The following PHACTR1 variants were observed in gnomAD, a reference collection of about 807,000 sequenced individuals.
PHACTR1 encodes phosphatase and actin regulator 1, also known as RPEL repeat containing 1.
In PHACTR1, 16 loss-of-function variants were observed where a neutral mutation model predicts 69.2. That is an observed-to-expected ratio of 0.23 (90% CI 0.16 to 0.35). The LOEUF is 0.35. PHACTR1 is among the 10% of genes least tolerant of loss of function. The pLI, the probability that PHACTR1 is intolerant of heterozygous loss-of-function variation, is 1.00. For missense variants in PHACTR1, 510 were observed against 734.7 expected (o/e 0.69, Z 3.54); for synonymous variants, 312 against 284.5 (o/e 1.10, Z -0.97).
chr6:12,756,569 C>T (rs1229578968), intron 4 of PHACTR1, among the ~76,000 whole-genome samples: 1 of 152,192 alleles, frequency 6.6e-6, no homozygotes, highest in Non-Finnish European at 1.5e-5. Flanking sequence ...AATAATATCA[C>T]ACTAGTAGTT....
chr6:12,986,750 C>T (rs772554194), intron 4 of PHACTR1, among the ~76,000 whole-genome samples: 3 of 152,070 alleles, frequency 2.0e-5, no homozygotes, highest in Non-Finnish European at 2.9e-5. Context: ...CTTGTGAGGA[C>T]GGGTGTATGG....
chr6:13,227,859 G>C lies in PHACTR1; in HGVS notation c.1030G>C (p.Gly344Arg). 1 of 1,613,950 alleles carries C rather than the reference G, an allele frequency of 6.2e-7. No individual in the cohort carries two copies. Among genetic ancestry groups the C allele is most frequent in the Non-Finnish European group, 8.5e-7 (1 of 1,179,890 alleles). Residue 344 changes from glycine to arginine, a missense_variant, in exon 9 of 15, where the codon GGG (glycine) becomes CGG (arginine). Gly to Arg is a moderately radical substitution (Grantham distance 125). Transcript: ENST00000332995. Reference protein sequence around the residue: ...VPCSTSYHSSGLHSGDGVTKA... With the variant: ...VPCSTSYHSSRLHSGDGVTKA... ...CTGTTCCACTTCTTACCACAGCTCT[G>C]GGTTGCACTCGGGTGATGGGGTCAC...
At chr6:12,758,486 A>AT (rs1456369025) in intron 4 of PHACTR1, among the ~76,000 whole-genome samples, 1 of 145,864 alleles carries the variant, frequency 6.9e-6, no homozygotes, top group African/African-American at 2.5e-5. Context: ...AAAAAAAAAA[A>AT]GGGCCCAGAG....
intron 4 of PHACTR1, among the ~76,000 whole-genome samples, chr6:12,763,716 G>A (rs896341457): frequency 2.0e-5 from 3 of 152,096 alleles, no homozygotes; most frequent in African/African-American, 7.2e-5. Context: ...AGTAAAAGCT[G>A]TAAACAGCCC....
At chr6:12,718,176 C>A (rs1302712746) in intron 2 of PHACTR1, 1 of 152,098 alleles carries the variant, frequency 6.6e-6, no homozygotes, top group African/African-American at 2.4e-5. Flanking sequence ...TGAAGGGAAT[C>A]GCCGGAAAGG....
Position 12,968,074 on chromosome 6 carries a change from C to T in PHACTR1, c.251-85291C>T, listed in dbSNP as rs111673451. Among the ~76,000 whole-genome samples the T allele has an allele frequency of 3.1e-3, 476 of 152,252 alleles. 3 individuals carry two copies. Among genetic ancestry groups the T allele is most frequent in the African/African-American group, 0.011 (448 of 41,542 alleles). ...GTCTGTGTTATGTGCCCTCTCCACT[C>T]ACCAGAATTATAGAACTCTTTCAGG... On this transcript the variant is annotated intron_variant, in intron 4 of 14. Transcript: ENST00000332995.
intron 5 of PHACTR1, among the ~76,000 whole-genome samples, chr6:13,124,942 T>A (rs1408422112): frequency 6.6e-6 from 1 of 152,254 alleles, no homozygotes; most frequent in Non-Finnish European, 1.5e-5. Context: ...GTCCTTAATA[T>A]GACCCAAATC....
At chr6:13,215,583 A>T (rs1318067446) in intron 8 of PHACTR1, among the ~76,000 whole-genome samples, 1 of 152,220 alleles carries the variant, frequency 6.6e-6, no homozygotes, top group Non-Finnish European at 1.5e-5. Flanking sequence ...TAACATTGTA[A>T]TCAGATATAA....
Position 13,072,483 on chromosome 6 carries a change from G to GCTTCTTA in PHACTR1, c.415+18957_415+18958insCTTACTT, listed in dbSNP as rs201485326. 4.4e-3 allele frequency among the ~76,000 whole-genome samples: 671 copies of GCTTCTTA among 152,062 alleles called. 8 individuals carry two copies. Among genetic ancestry groups the GCTTCTTA allele is most frequent in the African/African-American group, 0.016 (651 of 41,514 alleles). ...ACATTATGATCATTTATACATACTT[G>GCTTCTTA]CTTTCATTTTTTCATAATAATTCCA... On this transcript the variant is annotated intron_variant, in intron 5 of 14. Transcript: ENST00000332995.
intron 10 of PHACTR1, among the ~76,000 whole-genome samples, chr6:13,250,344 T>C (rs908595234): frequency 3.3e-5 from 5 of 152,230 alleles, no homozygotes; most frequent in Non-Finnish European, 7.3e-5. Context: ...TGCTCATTAC[T>C]CTAATCATCA....
intron 5 of PHACTR1, among the ~76,000 whole-genome samples, chr6:13,137,040 T>C (rs780798977): frequency 1.3e-5 from 2 of 152,236 alleles, no homozygotes; most frequent in Non-Finnish European, 2.9e-5. Context: ...ATGGTGCCGA[T>C]AGACTTGCTC....
intron 4 of PHACTR1, among the ~76,000 whole-genome samples, chr6:12,752,650 G>C (rs185816453): frequency 6.6e-6 from 1 of 152,254 alleles, no homozygotes; most frequent in African/African-American, 2.4e-5. Context: ...TCGTCCAGTT[G>C]CCAAATAAAG....
intron 5 of PHACTR1, among the ~76,000 whole-genome samples, chr6:13,159,675 C>G (rs950274931): frequency 6.6e-6 from 1 of 152,360 alleles, no homozygotes; most frequent in East Asian, 1.9e-4. Flanking sequence ...GGCACAGTGG[C>G]TTACCCCTGT....
intron 4 of PHACTR1, among the ~76,000 whole-genome samples, chr6:12,931,056 T>C (rs1263653951): frequency 6.7e-6 from 1 of 150,262 alleles, no homozygotes; most frequent in East Asian, 1.9e-4. Context: ...GACAGCCATG[T>C]AGGCAATTTT....
intron 4 of PHACTR1, among the ~76,000 whole-genome samples, chr6:12,773,213 C>T (rs150926288): frequency 2.0e-4 from 30 of 152,262 alleles, no homozygotes; most frequent in Non-Finnish European, 3.2e-4. Flanking sequence ...ATGTTTGTAT[C>T]TCCAGATAAA....
In PHACTR1 at chr6:12,755,419, T is replaced by C. The variant is rs1038926469; in HGVS notation, c.250+5629T>C. On this transcript the variant is annotated intron_variant, in intron 4 of 14. Coordinates refer to ENST00000332995, the MANE Select transcript of PHACTR1 (RefSeq NM_030948.6). ...ATTCAATCTAAAAATAACTGACACT[T>C]CTAACTCCAGCTGTATTACTGGATA... is the stretch of plus-strand genomic sequence containing the variant. Among the ~76,000 whole-genome samples the C allele has an allele frequency of 1.7e-4, 26 of 152,190 alleles. 1 individual carries two copies. The highest frequency in any genetic ancestry group is 6.3e-4 in the African/African-American group (26 of 41,456).
chr6:13,286,946 G>A lies in PHACTR1; in HGVS notation c.1728-117G>A, dbSNP rs1781810597. On this transcript the variant is annotated intron_variant, in intron 14 of 14. Transcript: ENST00000332995. ...GTGGTACTCCTGTGGGGATGACGGT[G>A]GGAAGCTCGCACCTCCCTCTCACGG... The A allele has an allele frequency of 3.7e-6, 4 of 1,087,656 alleles. No homozygotes were observed. In the Middle Eastern group the frequency reaches 6.1e-4, roughly 165 times the overall value. The allele number at this position is 1,087,656 out of a possible 1,614,324, so 67.4% of individuals were successfully genotyped here.
chr6:13,240,900 A>C (rs1772745669), intron 10 of PHACTR1, among the ~76,000 whole-genome samples: 1 of 152,232 alleles, frequency 6.6e-6, no homozygotes, highest in Admixed American at 6.5e-5. Flanking sequence ...ATCTCCATGC[A>C]ACCCTGCAAG....
chr6:12,965,551 CT>C (rs1793375368), intron 4 of PHACTR1, among the ~76,000 whole-genome samples: 1 of 148,214 alleles, frequency 6.7e-6, no homozygotes, highest in Non-Finnish European at 1.5e-5. Flanking sequence ...GTGCTTCTAA[CT>C]TCAGGGAAGC....
Sources: allele counts gnomAD v4.1 joint callset (sites outside exome capture counted in the v4.1 genomes callset), GRCh38; gene constraint gnomAD v4.1.1; transcripts MANE v1.5; gene names NCBI Gene and HGNC (gene_info 2026-07-23, HGNC 2026-07-21).